The following PIGG variants were observed in gnomAD, a reference collection of about 807,000 sequenced individuals.
PIGG encodes GPI ethanolamine phosphate transferase 2, catalytic subunit.
Under a neutral mutation model 83.2 loss-of-function variants are expected in PIGG, and 70 were observed. That is an observed-to-expected ratio of 0.84 (90% CI 0.69 to 1.03). The LOEUF is 1.03. Ranked by LOEUF, PIGG falls within the 50% of genes least tolerant of loss-of-function variation. The pLI, the probability that PIGG is intolerant of heterozygous loss-of-function variation, is 0.00. For synonymous variants in PIGG, 532 were observed against 519.5 expected (o/e 1.02, Z -0.33); for missense variants, 1,257 against 1,233.6 (o/e 1.02, Z -0.28).
Position 521,276 on chromosome 4 carries a change from A to G in PIGG, c.1332+3A>G, listed in dbSNP as rs1230217604. 1.9e-6 allele frequency: 3 copies of G among 1,597,698 alleles called. No individual in the cohort carries two copies. Among genetic ancestry groups the G allele is most frequent in the African/African-American group, 2.7e-5 (2 of 74,652 alleles). ...TGGGGACTGTCGTGGTTTTGGAGGTACAGATGCTCACACAGTCATGGCTCA... is the reference window on the plus strand; with the variant it reads ...TGGGGACTGTCGTGGTTTTGGAGGTGCAGATGCTCACACAGTCATGGCTCA... On this transcript the variant is annotated splice_donor_region_variant and intron_variant, in intron 7 of 12. Coordinates refer to ENST00000453061, the MANE Select transcript of PIGG (RefSeq NM_001127178.3).
intron 9 of PIGG, among the ~76,000 whole-genome samples, chr4:526,641 G>A (rs918380014): frequency 2.0e-5 from 3 of 152,026 alleles, no homozygotes; most frequent in Admixed American, 6.6e-5. Context: ...ATTTGTCACC[G>A]CCTGGCCTCT....
intron 2 of PIGG, among the ~76,000 whole-genome samples, chr4:503,381 C>G (rs7667922): frequency 0.96 from 146,119 of 152,310 alleles, 70,355 homozygotes; most frequent in East Asian, 1. Flanking sequence ...CATCACCCGT[C>G]CCTCAAGGCT....
At chr4:535,025 T>G (rs1327835354) in intron 12 of PIGG, among the ~76,000 whole-genome samples, 1 of 152,238 alleles carries the variant, frequency 6.6e-6, no homozygotes, top group African/African-American at 2.4e-5. Context: ...CTCTGCTTCC[T>G]CATCGTATGT....
At chr4:529,271 T>C (rs766392962) in intron 10 of PIGG, among the ~76,000 whole-genome samples, 2 of 152,204 alleles carry the variant, frequency 1.3e-5, no homozygotes, top group Non-Finnish European at 2.9e-5. Context: ...TGCTGATTTC[T>C]CCCTTCTTTG....
At chr4:513,901 G>A (rs988970066) in intron 5 of PIGG, among the ~76,000 whole-genome samples, 1 of 152,140 alleles carries the variant, frequency 6.6e-6, no homozygotes, top group Non-Finnish European at 1.5e-5. Flanking sequence ...AGTGTATCTG[G>A]GGACTTGGTG....
intron 12 of PIGG, among the ~76,000 whole-genome samples, chr4:534,228 G>C (rs1729808849): frequency 1.3e-5 from 2 of 152,178 alleles, no homozygotes; most frequent in Non-Finnish European, 2.9e-5. Flanking sequence ...GGTCTGACGG[G>C]GCCTCGCTGG....
intron 9 of PIGG, chr4:525,375 G>A (rs1173302919): frequency 9.1e-6 from 9 of 985,034 alleles, no homozygotes; most frequent in Non-Finnish European, 9.6e-6. Flanking sequence ...AAAAGAAGCA[G>A]CACAATGAGA....
intron 7 of PIGG, 104 bp from the exon 8 acceptor site, chr4:521,556 T>G (rs1021514711): frequency 9.0e-7 from 1 of 1,116,972 alleles, no homozygotes; most frequent in East Asian, 2.5e-5. Flanking sequence ...GCTTTTCTGT[T>G]TTTACTGTGT....
chr4:533,792 T>G (rs901882511), intron 11 of PIGG, 26 bp from the exon 12 acceptor site: 30 of 1,611,726 alleles, frequency 1.9e-5, no homozygotes, highest in Non-Finnish European at 2.5e-5. Flanking sequence ...TGTGAGGCCT[T>G]TGTCAGCTCT....
Position 516,800 on chromosome 4 carries a change from GA to G in PIGG, c.1114+617del, listed in dbSNP as rs1226660860. On this transcript the variant is annotated intron_variant, in intron 6 of 12. Coordinates refer to ENST00000453061, the MANE Select transcript of PIGG (RefSeq NM_001127178.3). ...GAACCCTGGAGGTGGAGGTTGCAGT[GA>G]ACTGAGATCGCGCTACTGCACTCCA... Among the ~76,000 whole-genome samples, 3 of 135,632 alleles carry G rather than the reference GA, an allele frequency of 2.2e-5. No individual in the cohort carries two copies. In the East Asian group the frequency reaches 7.1e-4, roughly 32 times the overall value. 89.0% of individuals were successfully genotyped at this position (135,632 alleles called of 152,430 possible). A position where few individuals can be genotyped will look rare whatever the true frequency, so the allele number is the denominator to read the frequency against.
intron 2 of PIGG, chr4:501,285 T>G (rs1717630989): frequency 2.6e-6 from 1 of 382,124 alleles, no homozygotes; most frequent in Admixed American, 3.2e-5. Flanking sequence ...CTTTTAGTCT[T>G]TAGATATACA....
chr4:519,906 G>A (rs1427956451), intron 6 of PIGG, among the ~76,000 whole-genome samples: 1 of 122,406 alleles, frequency 8.2e-6, no homozygotes, highest in Non-Finnish European at 1.7e-5. Context: ...ACCTGGTGCC[G>A]GCAGCAGTGG....
chr4:506,621 C>G (rs982547913), intron 3 of PIGG: 2 of 360,694 alleles, frequency 5.5e-6, no homozygotes, highest in African/African-American at 2.1e-5. Context: ...TATGGCATCA[C>G]TGAGAAACAC....
chr4:527,474 C>G (rs1727974828), intron 10 of PIGG: 1 of 1,269,398 alleles, frequency 7.9e-7, no homozygotes, highest in Non-Finnish European at 9.9e-7. Context: ...TTTTAGGAGA[C>G]AAATCACTTG....
intron 12 of PIGG, chr4:536,570 G>A (rs1191742090): frequency 2.0e-5 from 3 of 152,228 alleles, no homozygotes; most frequent in South Asian, 4.1e-4. Context: ...CATCTGCCAC[G>A]AGACCCCTGC....
intron 12 of PIGG, among the ~76,000 whole-genome samples, chr4:534,892 C>G (rs1730074377): frequency 6.6e-6 from 1 of 152,136 alleles, no homozygotes. Context: ...GGCGCAGCCC[C>G]CCATCCACAT....
Position 516,069 on chromosome 4 carries a change from G to A in PIGG, c.998G>A (p.Ser333Asn), listed in dbSNP as rs185712951. The change falls in exon 6 of 13, where the codon AGC (serine) becomes AAC (asparagine). Residue 333 changes from serine to asparagine, a missense_variant. Physicochemically the swap from Ser to Asn is conservative, Grantham distance 46. Coordinates refer to ENST00000453061, the MANE Select transcript of PIGG (RefSeq NM_001127178.3). ...GLPIPKDSVG[S>N]LLFPVVEGRP... is the part of the protein sequence containing the mutation. ...CCGATTCCAAAAGACAGTGTAGGGA[G>A]CCTCCTATTCCCAGTTGTGGAAGGA... 502 of 1,613,736 alleles carry A rather than the reference G, an allele frequency of 3.1e-4. 6 individuals carry two copies. The Admixed American group carries it at 8.0e-3, about 26-fold the overall frequency.
intron 11 of PIGG, chr4:531,366 C>T (rs1729029184): frequency 9.0e-6 from 1 of 111,430 alleles, no homozygotes; most frequent in Non-Finnish European, 2.0e-5. Flanking sequence ...AGAGCAGGCA[C>T]AGCCCTGCTG....
chr4:527,878 G>C, intron 10 of PIGG: 3 of 985,386 alleles, frequency 3.0e-6, no homozygotes, highest in Non-Finnish European at 3.6e-6. Context: ...TGTAACATGT[G>C]GGTGACCCTC....
Sources: allele counts gnomAD v4.1 joint callset (sites outside exome capture counted in the v4.1 genomes callset), GRCh38; gene constraint gnomAD v4.1.1; transcripts MANE v1.5; gene names NCBI Gene and HGNC (gene_info 2026-07-23, HGNC 2026-07-21).